Variants in DLGAP2 observed in about 807,000 individuals in gnomAD.
DLGAP2 encodes DLG associated protein 2, also known as disks large-associated protein 2.
In DLGAP2, 26 loss-of-function variants were observed where a neutral mutation model predicts 100.3. The observed-to-expected ratio is 0.26, with a 90% confidence interval of 0.19 to 0.36. The LOEUF (loss-of-function observed/expected upper bound fraction) is 0.36, where lower values mean the gene tolerates loss of function less well. Among genes scored for constraint, DLGAP2 ranks in the 10% least tolerant of loss-of-function variants. The probability of loss-of-function intolerance (pLI) is 1.00; values close to 1 mark genes in which losing one functional copy is unlikely to be tolerated. For missense variants in DLGAP2, 1,858 were observed against 1,453.2 expected, an observed-to-expected ratio of 1.28 and a Z score of -4.53; for synonymous variants, 886 against 630.1, an observed-to-expected ratio of 1.41 and a Z score of -6.08.
At position 1,274,123 on chromosome 8, in the gene DLGAP2, A is replaced by G. The variant is rs539260863; in HGVS notation, c.106+15240A>G. 9.9e-5 allele frequency among the ~76,000 whole-genome samples: 15 copies of G among 152,158 alleles called. No homozygotes were observed. The South Asian group carries it at 2.9e-3, about 29-fold the overall frequency. ...GCAAGAGTCAGATTTTTTTACATTT[A>G]TAGAAAATTTTAAAATTATATCTTA... On this transcript the variant is annotated intron_variant, in intron 3 of 14. Coordinates refer to ENST00000637795, the MANE Select transcript of DLGAP2 (RefSeq NM_001346810.2).
At chr8:1,121,640 C>A (rs774662578) in intron 2 of DLGAP2, among the ~76,000 whole-genome samples, 10 of 151,610 alleles carry the variant, frequency 6.6e-5, no homozygotes, top group Non-Finnish European at 1.3e-4. Flanking sequence ...TTCAGAACCC[C>A]TGATCACCCA....
chr8:918,288 G>C (rs1032501913), intron 2 of DLGAP2, among the ~76,000 whole-genome samples: 1 of 152,220 alleles, frequency 6.6e-6, no homozygotes, highest in African/African-American at 2.4e-5. Context: ...ATATGCCTCT[G>C]TTATTTGGTT....
At chr8:742,146 GT>G in intron 1 of DLGAP2, among the ~76,000 whole-genome samples, 1 of 152,292 alleles carries the variant, frequency 6.6e-6, no homozygotes, top group East Asian at 1.9e-4. Context: ...TGGGCTTTTA[GT>G]TTCTTCAGAC....
chr8:1,354,677 G>A (rs1801809038), intron 3 of DLGAP2, among the ~76,000 whole-genome samples: 1 of 69,804 alleles, frequency 1.4e-5, no homozygotes, highest in Non-Finnish European at 2.9e-5. Flanking sequence ...GGATGATGCT[G>A]CGGATGAAGG....
intron 10 of DLGAP2, among the ~76,000 whole-genome samples, chr8:1,676,148 T>G (rs1475089347): frequency 1.3e-5 from 2 of 152,216 alleles, no homozygotes. Flanking sequence ...ATCGCTTATT[T>G]GTTGTCATTA....
intron 2 of DLGAP2, among the ~76,000 whole-genome samples, chr8:1,201,487 C>A (rs563822346): frequency 6.6e-6 from 1 of 152,192 alleles, no homozygotes; most frequent in South Asian, 2.1e-4. Flanking sequence ...CAGAAGGAAG[C>A]CAGGTCCTGG....
intron 2 of DLGAP2, among the ~76,000 whole-genome samples, chr8:1,160,095 C>G (rs1796861028): frequency 6.6e-6 from 1 of 152,220 alleles, no homozygotes; most frequent in Non-Finnish European, 1.5e-5. Context: ...CTCCCACAGC[C>G]CGGAAGCTGA....
At position 1,474,507 on chromosome 8, in the gene DLGAP2, G is replaced by A. The variant is rs549617048; in HGVS notation, c.107-26859G>A. On this transcript the variant is annotated intron_variant, in intron 3 of 14. Transcript: ENST00000637795. ...TTACATTCCCACCAGCAGTGCAGAA[G>A]TGTTTCCTTTTTATCACGTCCACGC... 5.9e-5 allele frequency among the ~76,000 whole-genome samples: 9 copies of A among 152,302 alleles called. No individual in the cohort carries two copies. In the South Asian group the frequency reaches 1.0e-3, roughly 18 times the overall value.
At chr8:1,464,800 G>A (rs1164819083) in intron 3 of DLGAP2, among the ~76,000 whole-genome samples, 2 of 152,214 alleles carry the variant, frequency 1.3e-5, no homozygotes, top group Non-Finnish European at 2.9e-5. Flanking sequence ...GACGTAGAGA[G>A]GCCATCAGAT....
chr8:832,987 A>T (rs908399557), intron 1 of DLGAP2, among the ~76,000 whole-genome samples: 1 of 152,174 alleles, frequency 6.6e-6, no homozygotes, highest in African/African-American at 2.4e-5. Context: ...CAGCACACTG[A>T]TCTGGATTTC....
chr8:1,295,605 G>A lies in DLGAP2; in HGVS notation c.106+36722G>A, dbSNP rs111816606. Among the ~76,000 whole-genome samples the A allele has an allele frequency of 5.3e-3, 809 of 152,272 alleles. 4 individuals are homozygous for A. Among genetic ancestry groups the A allele is most frequent in the African/African-American group, 0.019 (778 of 41,580 alleles). ...GCTCTCCACAAAGGCAGGGGAACAT[G>A]TGTCAAGGTAGGATTATGCCTATAA... is the stretch of plus-strand genomic sequence containing the variant. On this transcript the variant is annotated intron_variant, in intron 3 of 14. Transcript: ENST00000637795.
intron 3 of DLGAP2, among the ~76,000 whole-genome samples, chr8:1,268,438 G>A (rs947301976): frequency 7.9e-5 from 12 of 152,166 alleles, no homozygotes; most frequent in African/African-American, 2.9e-4. Context: ...TGAAATAATT[G>A]GCCAAAGAGA....
At chr8:1,676,402 G>C in intron 10 of DLGAP2, 131 bp from the exon 11 acceptor site, 1 of 888,674 alleles carries the variant, frequency 1.1e-6, no homozygotes, top group South Asian at 1.6e-5. Context: ...GGTTTTACTG[G>C]GTCAAGTGCA....
At chr8:1,385,295 G>A (rs1366192461) in intron 3 of DLGAP2, among the ~76,000 whole-genome samples, 4 of 45,830 alleles carry the variant, frequency 8.7e-5, no homozygotes, top group South Asian at 2.2e-3. Flanking sequence ...ACAGTTACCC[G>A]GCCTGTGCCC....
At chr8:784,434 G>A (rs1373923418) in intron 1 of DLGAP2, among the ~76,000 whole-genome samples, 3 of 152,210 alleles carry the variant, frequency 2.0e-5, no homozygotes, top group Admixed American at 6.5e-5. Flanking sequence ...TTCTGTAGGA[G>A]GAGATGGAAT....
At chr8:881,484 C>T (rs373908609) in intron 1 of DLGAP2, among the ~76,000 whole-genome samples, 6 of 136,766 alleles carry the variant, frequency 4.4e-5, no homozygotes, top group African/African-American at 1.1e-4. Flanking sequence ...CTCTCCTTAC[C>T]ATTTCATCTC....
chr8:1,267,589 AAG>A (rs1231520518), intron 3 of DLGAP2, among the ~76,000 whole-genome samples: 10 of 37,240 alleles, frequency 2.7e-4, no homozygotes, highest in African/African-American at 1.1e-3. Context: ...AAAATAAAAT[AAG>A]ATAAGATAAG....
intron 3 of DLGAP2, among the ~76,000 whole-genome samples, chr8:1,413,530 G>C (rs1005953321): frequency 4.6e-5 from 7 of 152,188 alleles, no homozygotes; most frequent in African/African-American, 1.7e-4. Flanking sequence ...CAAGTATAGA[G>C]TTATAATGGA....
At chr8:1,288,550 G>C (rs1201235093) in intron 3 of DLGAP2, among the ~76,000 whole-genome samples, 1 of 49,156 alleles carries the variant, frequency 2.0e-5, no homozygotes, top group Non-Finnish European at 3.6e-5. Flanking sequence ...GTGTGTGTGT[G>C]TGTGTGTGTG....
Sources: gnomAD v4.1 joint callset for allele counts (sites outside exome capture counted in the v4.1 genomes callset) on GRCh38, gnomAD v4.1.1 for gene constraint, MANE v1.5 for transcripts, NCBI Gene and HGNC (gene_info 2026-07-23, HGNC 2026-07-21) for gene names.